Variants in HMCN1 observed in about 807,000 individuals in gnomAD.
HMCN1 encodes the protein hemicentin-1.
HMCN1 carries 321 observed loss-of-function variants against 625.9 expected under a neutral mutation model. The ratio of observed to expected loss-of-function variants is 0.51; its 90% CI spans 0.47 to 0.56. The LOEUF (loss-of-function observed/expected upper bound fraction) is 0.56, where lower values mean the gene tolerates loss of function less well. Among genes scored for constraint, HMCN1 ranks in the 20% least tolerant of loss-of-function variants. HMCN1 has a pLI of 0.00. For synonymous variants in HMCN1, 2,425 were observed against 2,417.6 expected (o/e 1.00, Z -0.09); for missense variants, 6,588 against 6,887.3 (o/e 0.96, Z 1.54).
intron 69 of HMCN1, among the ~76,000 whole-genome samples, chr1:186,104,399 T>C (rs531696144): frequency 1.3e-5 from 2 of 152,316 alleles, no homozygotes; most frequent in South Asian, 4.1e-4. Flanking sequence ...CTTAGGATTG[T>C]TCCTGCTGTT....
intron 4 of HMCN1, among the ~76,000 whole-genome samples, chr1:185,888,872 G>A (rs1296482656): frequency 1.4e-5 from 2 of 147,116 alleles, no homozygotes; most frequent in African/African-American, 5.5e-5. Context: ...TGATGGGGAT[G>A]GCATTGAATC....
At chr1:185,914,586 C>G (rs1181480074) in intron 6 of HMCN1, among the ~76,000 whole-genome samples, 5 of 151,976 alleles carry the variant, frequency 3.3e-5, no homozygotes, top group African/African-American at 1.2e-4. Context: ...CTCTCTCCCC[C>G]CACCACATTC....
intron 10 of HMCN1, 131 bp downstream of exon 10, chr1:185,928,798 A>T: frequency 8.1e-6 from 8 of 982,562 alleles, no homozygotes; most frequent in South Asian, 1.3e-5. Flanking sequence ...TCTCCACTGA[A>T]TTGAGAACTC....
intron 1 of HMCN1, among the ~76,000 whole-genome samples, chr1:185,799,137 C>T (rs549229409): frequency 2.0e-5 from 3 of 152,102 alleles, no homozygotes; most frequent in Non-Finnish European, 4.4e-5. Flanking sequence ...GTATAAGTTC[C>T]TTGGTTATAG....
intron 4 of HMCN1, among the ~76,000 whole-genome samples, chr1:185,869,467 G>A (rs1021291144): frequency 2.6e-5 from 4 of 152,004 alleles, no homozygotes; most frequent in Admixed American, 2.0e-4. Flanking sequence ...TTTTAAAGTG[G>A]GGAAAACTGT....
chr1:186,092,316 T>A (rs750163523), intron 64 of HMCN1, among the ~76,000 whole-genome samples: 24 of 151,868 alleles, frequency 1.6e-4, no homozygotes, highest in Non-Finnish European at 2.4e-4. Flanking sequence ...TTAATTAAAC[T>A]CATGGAATTA....
intron 2 of HMCN1, among the ~76,000 whole-genome samples, chr1:185,855,482 G>A (rs2102337200): frequency 6.6e-6 from 1 of 151,976 alleles, no homozygotes; most frequent in African/African-American, 2.4e-5. Flanking sequence ...ACCACTTACT[G>A]TCCATTATAA....
chr1:186,078,269 T>C (rs1342637015), intron 55 of HMCN1, 49 bp downstream of exon 55: 2 of 1,319,668 alleles, frequency 1.5e-6, no homozygotes, highest in Admixed American at 1.8e-5. Flanking sequence ...AAAAGTATTT[T>C]TGAGGAACTA....
At chr1:185,875,342 G>A (rs1160355154) in intron 4 of HMCN1, among the ~76,000 whole-genome samples, 1 of 151,948 alleles carries the variant, frequency 6.6e-6, no homozygotes, top group Non-Finnish European at 1.5e-5. Context: ...AGGTTTATAA[G>A]CAAGACTCTA....
At chr1:186,113,889 G>A (rs1383275028) in intron 72 of HMCN1, 90 bp from the exon 73 acceptor site, 33 of 1,406,114 alleles carry the variant, frequency 2.3e-5, no homozygotes, top group Middle Eastern at 1.9e-4. Context: ...CATTTGACTC[G>A]AAGCTCATCT....
chr1:185,844,789 A>G (rs1661708389), intron 1 of HMCN1, among the ~76,000 whole-genome samples: 1 of 152,216 alleles, frequency 6.6e-6, no homozygotes, highest in South Asian at 2.1e-4. Flanking sequence ...ATTGATACCC[A>G]TAAATGGCCA....
At chr1:185,779,128 G>T (rs1256699045) in intron 1 of HMCN1, among the ~76,000 whole-genome samples, 5 of 152,200 alleles carry the variant, frequency 3.3e-5, no homozygotes, top group Non-Finnish European at 5.9e-5. Context: ...GTGTCTGTTG[G>T]TTGCATAAAT....
Position 185,970,392 on chromosome 1 carries a change from T to G in HMCN1, c.2270T>G (p.Leu757Trp). Residue 757 changes from leucine to tryptophan, a missense_variant, in exon 15 of 107, where the codon TTG becomes TGG. Around this residue, in one of 3 missense-constraint regions of HMCN1, gnomAD observed 4,628 missense variants for 4,853.1 expected, o/e 0.95. Transcript: ENST00000271588. The stretch of plus-strand genomic sequence containing the variant: ...ATTATTGACCCTCTCTTGGGACTTT[T>G]GAAGATTCAAGAAACACAAGATCTG... The part of the protein sequence containing the change: ...FLIIDPLLGL[L>W]KIQETQDLDA... The G allele has an allele frequency of 3.7e-6, 6 of 1,613,834 alleles. No individual in the cohort carries two copies. Among genetic ancestry groups the G allele is most frequent in the Non-Finnish European group, 5.1e-6 (6 of 1,179,718 alleles).
At chr1:185,824,080 G>A (rs967519883) in intron 1 of HMCN1, among the ~76,000 whole-genome samples, 3 of 152,104 alleles carry the variant, frequency 2.0e-5, no homozygotes, top group Non-Finnish European at 4.4e-5. Flanking sequence ...GTGAGACTTA[G>A]ATGATAGGAT....
intron 1 of HMCN1, among the ~76,000 whole-genome samples, chr1:185,803,070 A>C (rs757530827): frequency 1.3e-5 from 2 of 151,838 alleles, no homozygotes; most frequent in Non-Finnish European, 2.9e-5. Flanking sequence ...ATTTGCACAA[A>C]TCTATGCATA....
At chr1:186,040,201 T>G (rs2102232735) in intron 39 of HMCN1, among the ~76,000 whole-genome samples, 1 of 152,246 alleles carries the variant, frequency 6.6e-6, no homozygotes, top group African/African-American at 2.4e-5. Flanking sequence ...CAAAGAAATG[T>G]TAATAAGAAA....
At chr1:186,118,526 A>T (rs988504303) in intron 77 of HMCN1, among the ~76,000 whole-genome samples, 3 of 152,204 alleles carry the variant, frequency 2.0e-5, no homozygotes, top group African/African-American at 4.8e-5. Flanking sequence ...AAATGAAAAC[A>T]TTTGTCTACA....
chr1:186,164,238 A>ATTTTTTTT (rs1651721502), intron 97 of HMCN1, among the ~76,000 whole-genome samples: 2 of 133,156 alleles, frequency 1.5e-5, no homozygotes, highest in African/African-American at 3.3e-5. Flanking sequence ...TCTAACTTAA[A>ATTTTTTTT]TCTTTTTTTT....
At chr1:186,095,993 A>T (rs1296651804) in intron 68 of HMCN1, among the ~76,000 whole-genome samples, 1 of 152,182 alleles carries the variant, frequency 6.6e-6, no homozygotes, top group Non-Finnish European at 1.5e-5. Context: ...TATGTATTCC[A>T]GTGTTCTAAA....
Sources: allele counts gnomAD v4.1 joint callset (sites outside exome capture counted in the v4.1 genomes callset), GRCh38; gene constraint gnomAD v4.1.1; regional missense constraint gnomAD v4.1.1; transcripts MANE v1.5; gene names NCBI Gene and HGNC (gene_info 2026-07-23, HGNC 2026-07-21).